Variants in HMCN1 observed in about 807,000 individuals in gnomAD.
HMCN1 encodes hemicentin-1.
In HMCN1, 321 loss-of-function variants were observed where a neutral mutation model predicts 625.9. That is an observed-to-expected ratio of 0.51 (90% CI 0.47 to 0.56). The LOEUF (loss-of-function observed/expected upper bound fraction) is 0.56. Among genes scored for constraint, HMCN1 ranks in the 20% least tolerant of loss-of-function variants. The probability of loss-of-function intolerance (pLI) is 0.00; values close to 1 mark genes in which losing one functional copy is unlikely to be tolerated. For synonymous variants in HMCN1, 2,425 were observed against 2,417.6 expected (o/e 1.00, Z -0.09); for missense variants, 6,588 against 6,887.3 (o/e 0.96, Z 1.54).
chr1:186,174,881 C>G (rs551174438), intron 103 of HMCN1, among the ~76,000 whole-genome samples: 2 of 152,142 alleles, frequency 1.3e-5, no homozygotes, highest in Non-Finnish European at 2.9e-5. Flanking sequence ...TGCTATACAC[C>G]ACACATATCA....
chr1:186,104,493 T>C (rs1272950410), intron 69 of HMCN1, among the ~76,000 whole-genome samples: 1 of 152,174 alleles, frequency 6.6e-6, no homozygotes, highest in Non-Finnish European at 1.5e-5. Flanking sequence ...TCACTGAGAA[T>C]GGAAGAAAGG....
At chr1:186,057,072 G>A (rs1260661337) in intron 45 of HMCN1, among the ~76,000 whole-genome samples, 162 bp from the exon 46 acceptor site, 1 of 148,506 alleles carries the variant, frequency 6.7e-6, no homozygotes, top group African/African-American at 2.5e-5. Flanking sequence ...CACACAGCTG[G>A]TTGTTGTGAT....
intron 1 of HMCN1, among the ~76,000 whole-genome samples, chr1:185,776,023 A>G (rs1656580870): frequency 6.6e-6 from 1 of 152,218 alleles, no homozygotes; most frequent in Admixed American, 6.5e-5. Context: ...AAGTAAAGCT[A>G]TGAAGTCTGA....
chr1:186,000,559 A>ATGTGTGTGTGTGTGTG (rs68110596), intron 26 of HMCN1, among the ~76,000 whole-genome samples: 64 of 144,652 alleles, frequency 4.4e-4, no homozygotes, highest in African/African-American at 1.5e-3. Context: ...GTGTGTGTGT[A>ATGTGTGTGTGTGTGTG]TGTGTGTGTG....
chr1:185,821,182 T>G (rs1171266197), intron 1 of HMCN1, among the ~76,000 whole-genome samples: 1 of 151,238 alleles, frequency 6.6e-6, no homozygotes, highest in African/African-American at 2.5e-5. Context: ...CAGATATTAT[T>G]GTGTACCTTT....
intron 48 of HMCN1, among the ~76,000 whole-genome samples, chr1:186,063,456 A>T (rs1486611180): frequency 5.4e-4 from 7 of 13,044 alleles, no homozygotes; most frequent in Admixed American, 1.0e-3. Flanking sequence ...GAGAGAAGGA[A>T]GGAAGGAAGG....
rs775641800 is a variant in HMCN1, at chr1:186,086,267, C to G, written c.8906C>G (p.Pro2969Arg). The G allele has an allele frequency of 6.2e-7, 1 of 1,612,676 alleles. No individual in the cohort carries two copies. The highest frequency in any genetic ancestry group is 8.5e-7 in the Non-Finnish European group (1 of 1,178,980). Reference protein sequence around the residue: ...NVHVPPSVIGPKSENLTVVVN... With the variant: ...NVHVPPSVIGRKSENLTVVVN... ...ATAGTTCCTCCAAGTGTCATTGGTC[C>G]TAAATCTGAAAATCTTACCGTCGTG... is the stretch of plus-strand genomic sequence containing the variant. The change falls in exon 58 of 107, where the codon CCT (proline) becomes CGT (arginine). Residue 2969 changes from proline (P) to arginine (R), a missense_variant. Pro to Arg is a moderately radical substitution (Grantham distance 103). Transcript: ENST00000271588.
intron 71 of HMCN1, 76 bp downstream of exon 71, chr1:186,108,673 T>C: frequency 6.4e-7 from 1 of 1,551,092 alleles, no homozygotes; most frequent in Non-Finnish European, 8.8e-7. Context: ...GGGCCTTTGC[T>C]GGGTACACAA....
At chr1:185,800,532 A>G (rs1279102742) in intron 1 of HMCN1, among the ~76,000 whole-genome samples, 3 of 151,944 alleles carry the variant, frequency 2.0e-5, no homozygotes, top group Non-Finnish European at 4.4e-5. Flanking sequence ...ATAATATTTT[A>G]TTTTACAGGT....
chr1:186,009,629 T>C (rs541783926), intron 30 of HMCN1, among the ~76,000 whole-genome samples: 8 of 152,156 alleles, frequency 5.3e-5, no homozygotes, highest in African/African-American at 1.7e-4. Flanking sequence ...GGTGGGTTGA[T>C]ACACTTAAAA....
intron 23 of HMCN1, 61 bp from the exon 24 acceptor site, chr1:185,994,754 A>C: frequency 6.5e-7 from 1 of 1,527,858 alleles, no homozygotes; most frequent in South Asian, 1.1e-5. Flanking sequence ...CTCTCGTTTA[A>C]AGTGAGTAAA....
At chr1:185,795,252 C>G (rs1437503824) in intron 1 of HMCN1, among the ~76,000 whole-genome samples, 2 of 152,160 alleles carry the variant, frequency 1.3e-5, no homozygotes, top group African/African-American at 4.8e-5. Context: ...TTACTTGTAA[C>G]TTTCTGTTGC....
intron 97 of HMCN1, among the ~76,000 whole-genome samples, chr1:186,160,371 G>A (rs1651368775): frequency 6.8e-6 from 1 of 146,878 alleles, no homozygotes; most frequent in East Asian, 2.0e-4. Flanking sequence ...CAAAAAACCA[G>A]CTCCTGGATT....
chr1:185,863,087 T>A (rs1453868604), intron 2 of HMCN1, among the ~76,000 whole-genome samples: 2 of 152,216 alleles, frequency 1.3e-5, no homozygotes, highest in African/African-American at 4.8e-5. Context: ...TGTTGGAGCC[T>A]GCTGAAAGAC....
At chr1:185,759,001 AATAG>A (rs1655315050) in intron 1 of HMCN1, among the ~76,000 whole-genome samples, 1 of 152,210 alleles carries the variant, frequency 6.6e-6, no homozygotes, top group Non-Finnish European at 1.5e-5. Flanking sequence ...GAACTATATT[AATAG>A]ATAGAACAGA....
intron 42 of HMCN1, among the ~76,000 whole-genome samples, chr1:186,052,316 C>G (rs1657009271): frequency 6.6e-6 from 1 of 151,974 alleles, no homozygotes; most frequent in South Asian, 2.1e-4. Flanking sequence ...GCTGACAGTC[C>G]TGCAGCCAAG....
chr1:185,844,140 G>A (rs1191584344), intron 1 of HMCN1, among the ~76,000 whole-genome samples: 1 of 152,170 alleles, frequency 6.6e-6, no homozygotes, highest in Non-Finnish European at 1.5e-5. Context: ...ATATGTCAGG[G>A]TGTAACTGCC....
chr1:185,948,632 ACTT>A (rs1399213423), intron 11 of HMCN1, among the ~76,000 whole-genome samples: 2 of 151,596 alleles, frequency 1.3e-5, no homozygotes, highest in African/African-American at 4.9e-5. Context: ...GGGCATATTC[ACTT>A]CTTTTTTGAT....
At chr1:186,066,365 A>G (rs906313913) in intron 49 of HMCN1, among the ~76,000 whole-genome samples, 2 of 152,158 alleles carry the variant, frequency 1.3e-5, no homozygotes, top group African/African-American at 4.8e-5. Context: ...CCAACTTCAT[A>G]AAGTAGAGGC....
Sources: gnomAD v4.1 joint callset for allele counts (sites outside exome capture counted in the v4.1 genomes callset) on GRCh38, gnomAD v4.1.1 for gene constraint, MANE v1.5 for transcripts, NCBI Gene and HGNC (gene_info 2026-07-23, HGNC 2026-07-21) for gene names.